Variants in MTERF4 observed in about 807,000 individuals in gnomAD.
MTERF4 encodes transcription termination factor 4, mitochondrial.
A neutral mutation model predicts 22.5 loss-of-function variants in MTERF4; 17 were observed. That is an observed-to-expected ratio of 0.75 (90% CI 0.52 to 1.13). The LOEUF is 1.13. Ranked by LOEUF, MTERF4 falls within the 50% of genes most tolerant of loss-of-function variation. MTERF4 has a pLI of 0.00. For synonymous variants in MTERF4, 165 were observed against 175.3 expected (o/e 0.94, Z 0.47); for missense variants, 420 against 466.8 (o/e 0.90, Z 0.92).
chr2:241,048,883 C>A, the MTERF4 span: 3 of 1,178,674 alleles, frequency 2.5e-6, no homozygotes, highest in Non-Finnish European at 3.7e-6. Context: ...GTTCTACCCC[C>A]ACCCAGGAGG....
At chr2:241,101,522 C>A (rs2064707430) in intron 1 of MTERF4, among the ~76,000 whole-genome samples, 1 of 152,244 alleles carries the variant, frequency 6.6e-6, no homozygotes. Flanking sequence ...CGGTCCCAAC[C>A]CCTTCTCCAG....
chr2:241,064,942 G>C, the MTERF4 span: 9 of 1,586,124 alleles, frequency 5.7e-6, no homozygotes, highest in Non-Finnish European at 7.7e-6. This position sits in a 1 kb window ranked among gnomAD's most constrained non-coding sequence, Gnocchi z 7.0. Context: ...CTACACGGGC[G>C]AGGACTGCGC....
chr2:241,082,445 G>C, downstream of MTERF4: 5 of 1,081,546 alleles, frequency 4.6e-6, no homozygotes, highest in Non-Finnish European at 7.0e-6. Flanking sequence ...AAGCTACCCA[G>C]CTAACCCTGA....
Position 241,096,571 on chromosome 2 carries a change from T to C in MTERF4, c.706-133A>G. The C allele has an allele frequency of 3.3e-6, 3 of 912,606 alleles. No homozygotes were observed. The highest frequency in any genetic ancestry group is 5.4e-6 in the Non-Finnish European group (3 of 558,242). 56.5% of individuals were successfully genotyped at this position (912,606 alleles called of 1,614,324 possible). ...CTAATTGACAACAGCGAATACCCAG[T>C]CTAGGATACTGACATTTGTGTGACA... On this transcript the variant is annotated intron_variant, in intron 3 of 3. Transcript: ENST00000391980. The surrounding 1 kb of genome is among the most constrained non-coding windows in gnomAD (Gnocchi z 5.1).
downstream of MTERF4, chr2:241,082,507 C>A (rs910305891): frequency 4.8e-6 from 3 of 628,100 alleles, no homozygotes; most frequent in African/African-American, 1.8e-5. Context: ...CCATCGATTC[C>A]CTCCATGTCA....
exon 5 of MTERF4, chr2:241,074,115 C>CCT (rs1042126462): frequency 6.6e-6 from 1 of 152,254 alleles, no homozygotes; most frequent in African/African-American, 2.4e-5. Context: ...TGGGATCACC[C>CCT]CTCAACCCAA....
At chr2:241,085,860 CT>C (rs772995766), downstream of MTERF4, among the ~76,000 whole-genome samples, 3,562 of 79,084 alleles carry the variant, frequency 0.045, 47 homozygotes, top group East Asian at 0.2. Flanking sequence ...TCTGCGGTTT[CT>C]TTTTTTTTTT....
chr2:241,094,213 C>T, downstream of MTERF4: 1 of 427,472 alleles, frequency 2.3e-6, no homozygotes, highest in Non-Finnish European at 4.8e-6. The surrounding 1 kb of genome is among the most constrained non-coding windows in gnomAD (Gnocchi z 4.3). Flanking sequence ...GGAATCTTTG[C>T]TGTGCCCACT....
chr2:241,089,335 C>T (rs142850877), downstream of MTERF4: 289 of 1,550,656 alleles, frequency 1.9e-4, no homozygotes, highest in African/African-American at 3.6e-3. Flanking sequence ...TAACAAGCCA[C>T]TTCAAAACAG....
rs769778305 is a variant in MTERF4 at position 241,096,762 on chromosome 2, A to T, written c.706-324T>A. 12 of 541,662 alleles carry T rather than the reference A, an allele frequency of 2.2e-5. No individual in the cohort carries two copies. The East Asian group carries it at 4.5e-4, about 20-fold the overall frequency. 33.6% of individuals were successfully genotyped at this position (541,662 alleles called of 1,614,324 possible). A position where few individuals can be genotyped will look rare whatever the true frequency, so the allele number is the denominator to read the frequency against. On this transcript the variant is annotated intron_variant, in intron 3 of 3. Coordinates refer to ENST00000391980, the MANE Select transcript of MTERF4 (RefSeq NM_182501.4). This position sits in a 1 kb window ranked among gnomAD's most constrained non-coding sequence, Gnocchi z 5.1. ...TGAATATGGAAAGAATAGGCAAAACATTCAGAAAACATCTAGAAATTCGAC... is the reference window on the plus strand; with the variant it reads ...TGAATATGGAAAGAATAGGCAAAACTTTCAGAAAACATCTAGAAATTCGAC...
downstream of MTERF4, among the ~76,000 whole-genome samples, chr2:241,089,535 G>A (rs899942732): frequency 6.6e-6 from 1 of 152,014 alleles, no homozygotes; most frequent in Non-Finnish European, 1.5e-5. Flanking sequence ...CTCTGAGTTG[G>A]CCATGACAGA....
the MTERF4 span, chr2:241,063,962 C>A: frequency 7.4e-7 from 1 of 1,348,214 alleles, no homozygotes. Context: ...CTCCTCCCTC[C>A]CCCAGACTCC....
chr2:241,048,671 A>G, the MTERF4 span: 1 of 1,610,338 alleles, frequency 6.2e-7, no homozygotes, highest in South Asian at 1.1e-5. Context: ...GGAGTCCCCG[A>G]TGACTGTGAG....
the MTERF4 span, chr2:241,051,504 A>G: frequency 4.9e-6 from 2 of 405,486 alleles, no homozygotes; most frequent in Non-Finnish European, 8.7e-6. The surrounding 1 kb of genome is among the most constrained non-coding windows in gnomAD (Gnocchi z 4.7). Context: ...CTGGGCAGAA[A>G]AGAGGACAGG....
At chr2:241,043,617 C>G in the MTERF4 span, among the ~76,000 whole-genome samples, 1 of 152,020 alleles carries the variant, frequency 6.6e-6, no homozygotes, top group African/African-American at 2.4e-5. Flanking sequence ...GGGTTGAAGA[C>G]TTTTTAATCC....
downstream of MTERF4, chr2:241,090,593 C>A: frequency 1.0e-6 from 1 of 972,570 alleles, no homozygotes; most frequent in Non-Finnish European, 1.4e-6. Context: ...CCAGCATCAC[C>A]ACAAACACAA....
chr2:241,046,068 T>C, the MTERF4 span, among the ~76,000 whole-genome samples: 2 of 152,192 alleles, frequency 1.3e-5, no homozygotes, highest in East Asian at 3.8e-4. Flanking sequence ...AATACTCTTG[T>C]CATTAATATC....
the MTERF4 span, chr2:241,048,271 C>T: frequency 1.3e-6 from 2 of 1,550,262 alleles, no homozygotes; most frequent in African/African-American, 1.4e-5. Context: ...CCACTCTCCC[C>T]ACATTCCCTG....
chr2:241,101,685 C>T (rs1328101629), intron 1 of MTERF4, among the ~76,000 whole-genome samples: 1 of 152,240 alleles, frequency 6.6e-6, no homozygotes, highest in African/African-American at 2.4e-5. Flanking sequence ...AGCCTAAAGA[C>T]CTCTATGCTG....
Sources: gnomAD v4.1 joint callset for allele counts (sites outside exome capture counted in the v4.1 genomes callset) on GRCh38, gnomAD v4.1.1 for gene constraint, Gnocchi (gnomAD v3.1) non-coding constraint, MANE v1.5 for transcripts, NCBI Gene and HGNC (gene_info 2026-07-23, HGNC 2026-07-21) for gene names.